The following ATF7IP2 variants were observed in gnomAD, a reference collection of about 807,000 sequenced individuals.
ATF7IP2 encodes activating transcription factor 7 interacting protein 2, also known as activating transcription factor 7-interacting protein 2.
Under a neutral mutation model 64.2 loss-of-function variants are expected in ATF7IP2, and 42 were observed. That is an observed-to-expected ratio of 0.65 (90% CI 0.51 to 0.85). The LOEUF is 0.85. Ranked by LOEUF, ATF7IP2 falls within the 40% of genes least tolerant of loss-of-function variation. ATF7IP2 has a pLI of 0.00. For missense variants in ATF7IP2, 933 were observed against 784.2 expected (o/e 1.19, Z -2.27); for synonymous variants, 308 against 272.8 (o/e 1.13, Z -1.27).
intron 1 of ATF7IP2, among the ~76,000 whole-genome samples, chr16:10,392,263 T>C (rs1378058634): frequency 6.6e-6 from 1 of 151,782 alleles, no homozygotes; most frequent in South Asian, 2.1e-4. Flanking sequence ...GGTCTTGAAC[T>C]ACTGACCTCA....
chr16:10,387,115 T>C (rs1325997875), intron 1 of ATF7IP2: 1 of 152,226 alleles, frequency 6.6e-6, no homozygotes, highest in African/African-American at 2.4e-5. Context: ...AATACTGTTT[T>C]TATTATGATT....
chr16:10,475,877 A>G (rs935393838), intron 12 of ATF7IP2, among the ~76,000 whole-genome samples: 4 of 152,174 alleles, frequency 2.6e-5, no homozygotes, highest in South Asian at 2.1e-4. Context: ...GAACAATACA[A>G]GTCTCAACTA....
At chr16:10,405,828 T>TGTCCTTAACC (rs1334935611) in intron 1 of ATF7IP2, among the ~76,000 whole-genome samples, 3 of 152,210 alleles carry the variant, frequency 2.0e-5, no homozygotes, top group African/African-American at 4.8e-5. Flanking sequence ...CTGCCAACTC[T>TGTCCTTAACC]GTCCTTAACC....
chr16:10,401,469 G>C (rs1362629648), intron 1 of ATF7IP2, among the ~76,000 whole-genome samples: 1 of 152,180 alleles, frequency 6.6e-6, no homozygotes, highest in African/African-American at 2.4e-5. Flanking sequence ...TGCTTGGCCT[G>C]TTATCTTTTT....
chr16:10,451,232 C>G (rs2048974757), intron 8 of ATF7IP2, among the ~76,000 whole-genome samples: 1 of 152,204 alleles, frequency 6.6e-6, no homozygotes, highest in Admixed American at 6.5e-5. Context: ...ACCTTTCTCT[C>G]TGGCTGCCCT....
intron 8 of ATF7IP2, among the ~76,000 whole-genome samples, chr16:10,453,342 G>T (rs1270653151): frequency 6.6e-6 from 1 of 152,164 alleles, no homozygotes; most frequent in Non-Finnish European, 1.5e-5. Flanking sequence ...GTAGGGAAGA[G>T]AATTCCTTGA....
At chr16:10,459,293 G>A (rs958305857) in intron 9 of ATF7IP2, among the ~76,000 whole-genome samples, 11 of 151,684 alleles carry the variant, frequency 7.3e-5, no homozygotes, top group African/African-American at 2.7e-4. Context: ...ATGGTGAAAC[G>A]CCGTCTCTAC....
rs569934472 is a variant in ATF7IP2, at chr16:10,415,026, C to A, written c.-203+414C>A. Among the ~76,000 whole-genome samples, 3 of 152,228 alleles carry A rather than the reference C, an allele frequency of 2.0e-5. No homozygotes were observed. In the South Asian group the frequency reaches 6.2e-4, roughly 32 times the overall value. ...CTTCATGTTTGTGGATTAGAAAAAT[C>A]GATATTGTTAAAATGTTCATACTGC... On this transcript the variant is annotated intron_variant, in intron 2 of 13. Coordinates refer to ENST00000562102, the MANE Select transcript of ATF7IP2 (RefSeq NM_001393719.1).
In ATF7IP2 at chr16:10,431,360, A is replaced by T; in HGVS notation, c.740A>T (p.Asp247Val). The change falls in exon 5 of 14, where the codon GAC becomes GTC. Residue 247 changes from aspartate to valine, a missense_variant. Transcript: ENST00000562102. ...NSVTSNNCAD[D>V]ILKTDECSRT... ...GTCACTTCTAACAACTGTGCTGATG[A>T]CATTTTGAAAACTGATGAGTGTAGT... 2 of 1,614,198 alleles carry T rather than the reference A, an allele frequency of 1.2e-6. No homozygotes were observed. Among genetic ancestry groups the T allele is most frequent in the Non-Finnish European group, 1.7e-6 (2 of 1,180,012 alleles).
intron 8 of ATF7IP2, among the ~76,000 whole-genome samples, chr16:10,442,375 C>A (rs929703457): frequency 2.0e-5 from 3 of 152,160 alleles, no homozygotes; most frequent in Admixed American, 6.5e-5. Flanking sequence ...GCAGTAAAAG[C>A]TTGTCAGAAT....
At chr16:10,471,387 G>GC (rs2049793959) in intron 9 of ATF7IP2, among the ~76,000 whole-genome samples, 1 of 152,106 alleles carries the variant, frequency 6.6e-6, no homozygotes, top group Non-Finnish European at 1.5e-5. Flanking sequence ...AATTAGCCGG[G>GC]CATGGTGGCA....
chr16:10,442,353 C>G (rs372083964), intron 8 of ATF7IP2, among the ~76,000 whole-genome samples: 26 of 152,142 alleles, frequency 1.7e-4, no homozygotes, highest in Admixed American at 2.0e-4. Flanking sequence ...TGCTGTTCTT[C>G]TTGATTTTCT....
chr16:10,407,790 C>T (rs1363350607), intron 1 of ATF7IP2, among the ~76,000 whole-genome samples: 1 of 152,154 alleles, frequency 6.6e-6, no homozygotes, highest in African/African-American at 2.4e-5. Context: ...CCCTCATCAC[C>T]CTTTCCCCTG....
At chr16:10,405,023 A>G (rs1268044905) in intron 1 of ATF7IP2, among the ~76,000 whole-genome samples, 1 of 152,186 alleles carries the variant, frequency 6.6e-6, no homozygotes, top group Non-Finnish European at 1.5e-5. Context: ...ACCAGTAAGT[A>G]GACCCTCCCT....
intron 1 of ATF7IP2, among the ~76,000 whole-genome samples, chr16:10,392,336 G>T (rs1211044771): frequency 2.0e-5 from 3 of 149,762 alleles, no homozygotes; most frequent in Non-Finnish European, 4.4e-5. Context: ...ACTGCGCCTG[G>T]CCTTTTTTTT....
At chr16:10,424,567 G>A (rs558201629) in intron 3 of ATF7IP2, among the ~76,000 whole-genome samples, 148 of 152,206 alleles carry the variant, frequency 9.7e-4, no homozygotes, top group African/African-American at 3.3e-3. Flanking sequence ...CATATAATGC[G>A]AGGGAAAGTT....
intron 8 of ATF7IP2, among the ~76,000 whole-genome samples, chr16:10,453,631 T>C (rs2049062317): frequency 6.6e-6 from 1 of 152,200 alleles, no homozygotes; most frequent in South Asian, 2.1e-4. Flanking sequence ...TTATTTATTT[T>C]TTTGAGATGG....
At chr16:10,444,707 T>C (rs2048744409) in intron 8 of ATF7IP2, among the ~76,000 whole-genome samples, 1 of 152,174 alleles carries the variant, frequency 6.6e-6, no homozygotes, top group Non-Finnish European at 1.5e-5. Context: ...TTGGTTCATT[T>C]TTTTCTACCT....
At chr16:10,419,256 G>A (rs1414307347) in intron 2 of ATF7IP2, among the ~76,000 whole-genome samples, 1 of 152,144 alleles carries the variant, frequency 6.6e-6, no homozygotes, top group East Asian at 1.9e-4. Flanking sequence ...TGAGGGGGTA[G>A]GCAACTGGTG....
Sources: gnomAD v4.1 joint callset for allele counts (sites outside exome capture counted in the v4.1 genomes callset) on GRCh38, gnomAD v4.1.1 for gene constraint, MANE v1.5 for transcripts, NCBI Gene and HGNC (gene_info 2026-07-23, HGNC 2026-07-21) for gene names.